ZNF717: variants seen among roughly 807,000 people sequenced by gnomAD.
The protein encoded by ZNF717 is zinc finger protein 717, also known as krueppel-like factor X17.
A neutral mutation model predicts 13.8 loss-of-function variants in ZNF717; 9 were observed. That is an observed-to-expected ratio of 0.65 (90% CI 0.39 to 1.14). The LOEUF is 1.14. Ranked by LOEUF, ZNF717 falls within the 50% of genes most tolerant of loss-of-function variation. The pLI is 0.01. For synonymous variants in ZNF717, 327 were observed against 364.1 expected, an observed-to-expected ratio of 0.90 and a Z score of 1.16; for missense variants, 1,040 against 1,080.7, an observed-to-expected ratio of 0.96 and a Z score of 0.53.
chr3:75,699,594 G>T (rs1325555109), intron 6 of ZNF717, among the ~76,000 whole-genome samples: 56 of 150,254 alleles, frequency 3.7e-4, no homozygotes, highest in African/African-American at 1.4e-3. Flanking sequence ...GCAAGCACCA[G>T]ATTTATTTTT....
intron 4 of ZNF717, among the ~76,000 whole-genome samples, chr3:75,739,916 T>C (rs1019791740): frequency 6.6e-6 from 1 of 152,032 alleles, no homozygotes; most frequent in African/African-American, 2.4e-5. Flanking sequence ...GCAGAAAATC[T>C]CTTATTCCCC....
downstream of ZNF717, among the ~76,000 whole-genome samples, chr3:75,706,609 A>G (rs146788281): frequency 6.6e-6 from 1 of 152,238 alleles, no homozygotes. Context: ...GCCTTCTGTA[A>G]GAAGGTCAGC....
rs567032467 is a variant in ZNF717 at position 75,738,064 on chromosome 3, G to A, written c.1559C>T (p.Ser520Leu). The A allele has an allele frequency of 3.7e-6, 5 of 1,343,736 alleles. No individual in the cohort carries two copies. The African/African-American group carries it at 5.8e-5, about 16-fold the overall frequency. The allele number at this position is 1,343,736 out of a possible 1,614,324, so 83.2% of individuals were successfully genotyped here. Residue 520 changes from serine to leucine, a missense_variant, in exon 5 of 5, where the codon TCA becomes TTA. Coordinates refer to ENST00000652011, the MANE Select transcript of ZNF717 (RefSeq NM_001290208.3). ...AGTTCTCTGATGGACAGTGAGGAAT[G>A]ACTTACAGCGAAAGGTTTTCCCACA... Reference protein sequence around the residue: ...NECGKTFRCKSFLTVHQRTHA... With the variant: ...NECGKTFRCKLFLTVHQRTHA...
chr3:75,709,843 A>G (rs1199095150), exon 6 of ZNF717: 1 of 152,208 alleles, frequency 6.6e-6, no homozygotes, highest in Non-Finnish European at 1.5e-5. Context: ...TTCCAAAAGC[A>G]TCACTGATCA....
chr3:75,699,535 C>T (rs1251669132), intron 6 of ZNF717, among the ~76,000 whole-genome samples: 34 of 151,820 alleles, frequency 2.2e-4, no homozygotes, highest in Non-Finnish European at 3.1e-4. Flanking sequence ...TGGTTATCTA[C>T]AAGTGTGTGT....
chr3:75,739,857 C>T (rs1224706578), intron 4 of ZNF717, among the ~76,000 whole-genome samples: 20 of 152,204 alleles, frequency 1.3e-4, no homozygotes, highest in African/African-American at 4.8e-4. Flanking sequence ...TATATGTTAA[C>T]CTTTCACTCC....
At chr3:75,729,777 T>C (rs1938412465), downstream of ZNF717, among the ~76,000 whole-genome samples, 1 of 152,192 alleles carries the variant, frequency 6.6e-6, no homozygotes, top group Non-Finnish European at 1.5e-5. Context: ...CTTGGAGCCA[T>C]CTTATTTAGG....
At chr3:75,748,796 T>C (rs1234432046) in intron 2 of ZNF717, among the ~76,000 whole-genome samples, 1 of 152,296 alleles carries the variant, frequency 6.6e-6, no homozygotes, top group East Asian at 1.9e-4. Context: ...AGGGATGCCC[T>C]CTCTCATCAC....
intron 2 of ZNF717, among the ~76,000 whole-genome samples, chr3:75,748,602 T>A (rs1424498676): frequency 6.6e-6 from 1 of 152,190 alleles, no homozygotes; most frequent in Non-Finnish European, 1.5e-5. Context: ...CATGATTATC[T>A]GAATACACGC....
intron 2 of ZNF717, among the ~76,000 whole-genome samples, chr3:75,745,380 C>A (rs1192586506): frequency 1.3e-5 from 2 of 151,858 alleles, no homozygotes; most frequent in Admixed American, 1.3e-4. Flanking sequence ...TAGCAGTGTT[C>A]TGGAACTCTA....
chr3:75,749,858 C>A (rs1301704596), intron 2 of ZNF717, among the ~76,000 whole-genome samples: 7 of 150,412 alleles, frequency 4.7e-5, no homozygotes, highest in Non-Finnish European at 1.0e-4. Flanking sequence ...CCAGAACACT[C>A]CTGCTGTGGT....
chr3:75,746,824 G>A (rs1941228365), intron 2 of ZNF717, among the ~76,000 whole-genome samples: 1 of 152,122 alleles, frequency 6.6e-6, no homozygotes, highest in South Asian at 2.1e-4. Flanking sequence ...TAGGCTGCCT[G>A]TTCACTCTGA....
At chr3:75,781,864 C>A (rs1369383983) in intron 2 of ZNF717, among the ~76,000 whole-genome samples, 2 of 152,134 alleles carry the variant, frequency 1.3e-5, no homozygotes, top group Non-Finnish European at 2.9e-5. Context: ...GAATTTAAAG[C>A]CCCTGCACCT....
At chr3:75,699,039 C>T (rs1264561820) in intron 6 of ZNF717, among the ~76,000 whole-genome samples, 8 of 152,412 alleles carry the variant, frequency 5.2e-5, no homozygotes, top group African/African-American at 1.7e-4. Context: ...TATTTTGGAG[C>T]CTTACAATTC....
intron 2 of ZNF717, among the ~76,000 whole-genome samples, chr3:75,749,244 G>T (rs1204734959): frequency 1.3e-5 from 2 of 151,978 alleles, no homozygotes; most frequent in Non-Finnish European, 2.9e-5. Flanking sequence ...CTCCTGCTGT[G>T]GTCCGAATGT....
At chr3:75,697,770 C>T (rs1937619976) in intron 6 of ZNF717, among the ~76,000 whole-genome samples, 1 of 152,312 alleles carries the variant, frequency 6.6e-6, no homozygotes, top group South Asian at 2.1e-4. Flanking sequence ...AATGTGGAAT[C>T]AGCTTTGTAA....
At chr3:75,782,429 A>G in intron 2 of ZNF717, among the ~76,000 whole-genome samples, 1 of 152,342 alleles carries the variant, frequency 6.6e-6, no homozygotes, top group East Asian at 1.9e-4. Flanking sequence ...GTTTGGGACC[A>G]CACTCTTTGA....
At chr3:75,698,227 C>T (rs1937626497) in intron 6 of ZNF717, among the ~76,000 whole-genome samples, 1 of 152,312 alleles carries the variant, frequency 6.6e-6, no homozygotes, top group African/African-American at 2.4e-5. Flanking sequence ...GCAGCCTAGT[C>T]ATGTGGCTGA....
At chr3:75,744,992 A>G (rs1196900815) in intron 2 of ZNF717, among the ~76,000 whole-genome samples, 1 of 152,162 alleles carries the variant, frequency 6.6e-6, no homozygotes, top group Non-Finnish European at 1.5e-5. Flanking sequence ...ACCCAATCAT[A>G]GCATTCCAGA....
Sources: gnomAD v4.1 joint callset for allele counts (sites outside exome capture counted in the v4.1 genomes callset) on GRCh38, gnomAD v4.1.1 for gene constraint, MANE v1.5 for transcripts, NCBI Gene and HGNC (gene_info 2026-07-23, HGNC 2026-07-21) for gene names.